MYO3B: variants seen among roughly 807,000 people sequenced by gnomAD.
The protein encoded by MYO3B is myosin IIIB, also known as myosin-IIIb.
Under a neutral mutation model 174.6 loss-of-function variants are expected in MYO3B, and 156 were observed. The observed-to-expected ratio is 0.89, with a 90% CI of 0.78 to 1.02. The LOEUF (loss-of-function observed/expected upper bound fraction) is 1.02. Ranked by LOEUF, MYO3B falls within the 50% of genes least tolerant of loss-of-function variation. MYO3B has a pLI of 0.00. For synonymous variants in MYO3B, 563 were observed against 569.1 expected, an observed-to-expected ratio of 0.99 and a Z score of 0.15; for missense variants, 1,632 against 1,639.4, an observed-to-expected ratio of 1.00 and a Z score of 0.08.
chr2:170,408,826 G>C (rs1205274210), intron 22 of MYO3B, among the ~76,000 whole-genome samples: 2 of 150,590 alleles, frequency 1.3e-5, no homozygotes, highest in South Asian at 2.1e-4. Context: ...GTTGAAATCC[G>C]GCTCTTTTTT....
chr2:170,354,829 G>T (rs2094107434), intron 8 of MYO3B, among the ~76,000 whole-genome samples: 1 of 151,976 alleles, frequency 6.6e-6, no homozygotes, highest in South Asian at 2.1e-4. Flanking sequence ...GGAGTTTTAA[G>T]GACTCCCCAG....
intron 7 of MYO3B, among the ~76,000 whole-genome samples, chr2:170,276,116 T>C (rs1373552017): frequency 6.6e-6 from 1 of 152,190 alleles, no homozygotes; most frequent in Non-Finnish European, 1.5e-5. Flanking sequence ...ATGGTCACTT[T>C]AGACAAATGA....
chr2:170,584,924 G>C (rs13419526), intron 32 of MYO3B, among the ~76,000 whole-genome samples: 4,052 of 152,302 alleles, frequency 0.027, 187 homozygotes, highest in African/African-American at 0.09. Flanking sequence ...GCTGAACTGA[G>C]AACCTTTCCA....
At chr2:170,528,470 A>G (rs558771709) in intron 30 of MYO3B, among the ~76,000 whole-genome samples, 2 of 152,274 alleles carry the variant, frequency 1.3e-5, no homozygotes, top group South Asian at 2.1e-4. Flanking sequence ...CAGTGGCGCA[A>G]TCTCAGCTCA....
chr2:170,398,806 C>T (rs2094456271), intron 16 of MYO3B, among the ~76,000 whole-genome samples: 1 of 152,180 alleles, frequency 6.6e-6, no homozygotes, highest in African/African-American at 2.4e-5. Flanking sequence ...TCCAAGCATA[C>T]TCGAGTCCTG....
chr2:170,562,428 G>A (rs746623001), intron 32 of MYO3B, among the ~76,000 whole-genome samples: 2 of 151,940 alleles, frequency 1.3e-5, no homozygotes, highest in Non-Finnish European at 2.9e-5. Flanking sequence ...GCTGAAATTT[G>A]GTAGAATTTA....
At chr2:170,213,487 T>A (rs1435202612) in intron 3 of MYO3B, among the ~76,000 whole-genome samples, 2 of 152,158 alleles carry the variant, frequency 1.3e-5, no homozygotes, top group Non-Finnish European at 2.9e-5. Context: ...TCCGGTTAGG[T>A]CAGGGGTCAA....
chr2:170,560,401 G>C (rs1256579359), intron 32 of MYO3B, among the ~76,000 whole-genome samples: 3 of 152,174 alleles, frequency 2.0e-5, no homozygotes, highest in Admixed American at 6.5e-5. Flanking sequence ...TCACCATCCA[G>C]AAAGGTCTGT....
chr2:170,453,876 T>C (rs540001677), intron 23 of MYO3B, among the ~76,000 whole-genome samples: 1 of 152,278 alleles, frequency 6.6e-6, no homozygotes, highest in African/African-American at 2.4e-5. Context: ...CCACTTAAGG[T>C]GAGGAGGGAT....
chr2:170,612,267 T>C (rs1466987273), intron 32 of MYO3B, among the ~76,000 whole-genome samples: 1 of 152,184 alleles, frequency 6.6e-6, no homozygotes, highest in Non-Finnish European at 1.5e-5. Context: ...CCATTCCTAG[T>C]GTGTGTCTGC....
At chr2:170,197,889 C>A (rs1274560265) in intron 1 of MYO3B, among the ~76,000 whole-genome samples, 1 of 152,092 alleles carries the variant, frequency 6.6e-6, no homozygotes, top group East Asian at 1.9e-4. Flanking sequence ...AGTATCATTT[C>A]TGATTAATCT....
At chr2:170,182,614 CTT>C (rs3066879) in intron 1 of MYO3B, among the ~76,000 whole-genome samples, 10 of 135,576 alleles carry the variant, frequency 7.4e-5, no homozygotes, top group Admixed American at 1.5e-4. Flanking sequence ...TTTTCTGTTT[CTT>C]TTTTTTTTTT....
intron 7 of MYO3B, among the ~76,000 whole-genome samples, chr2:170,254,544 C>G (rs935122477): frequency 6.6e-6 from 1 of 152,210 alleles, no homozygotes; most frequent in Non-Finnish European, 1.5e-5. Flanking sequence ...ACTGTCCTAC[C>G]TGCGTGTTTT....
intron 8 of MYO3B, chr2:170,349,809 A>C (rs182420067): frequency 0.014 from 2,101 of 152,096 alleles, 72 homozygotes; most frequent in Non-Finnish European, 0.017. Context: ...AAAAAAAAAA[A>C]AAAAGAAAGA....
At chr2:170,228,960 CAAAAAAA>C (rs539746576) in intron 6 of MYO3B, among the ~76,000 whole-genome samples, 1 of 98,324 alleles carries the variant, frequency 1.0e-5, no homozygotes, top group African/African-American at 3.4e-5. Context: ...ATTCCCTTTA[CAAAAAAA>C]AAAAAAAAAA....
At chr2:170,397,360 C>T (rs2094447438) in intron 16 of MYO3B, among the ~76,000 whole-genome samples, 2 of 152,150 alleles carry the variant, frequency 1.3e-5, no homozygotes, top group South Asian at 4.1e-4. Flanking sequence ...GGTCCAGTGA[C>T]CGTTCCTATT....
chr2:170,520,061 G>T (rs1688577507), intron 30 of MYO3B: 1 of 152,042 alleles, frequency 6.6e-6, no homozygotes, highest in South Asian at 2.1e-4. Flanking sequence ...CCTACTTTTT[G>T]GGTTCTCTTC....
At chr2:170,402,516 G>A (rs1279357263) in intron 18 of MYO3B, among the ~76,000 whole-genome samples, 1 of 151,966 alleles carries the variant, frequency 6.6e-6, no homozygotes, top group East Asian at 1.9e-4. Flanking sequence ...ATCCTTGTGG[G>A]TAGATAGGTG....
chr2:170,565,418 G>A lies in MYO3B; in HGVS notation c.3733+21430G>A, dbSNP rs16858756. 0.025 allele frequency among the ~76,000 whole-genome samples: 3,842 copies of A among 152,276 alleles called. 614 individuals are homozygous for A. The East Asian group carries it at 0.48, about 19-fold the overall frequency. On this transcript the variant is annotated intron_variant, in intron 32 of 34. Coordinates refer to ENST00000408978, the MANE Select transcript of MYO3B (RefSeq NM_138995.5). ...TCATGAGAATGGTGGTAGATGAACA[G>A]AGGAACAGGAAACTGCTCAACGTGG...
Sources: gnomAD v4.1 joint callset for allele counts (sites outside exome capture counted in the v4.1 genomes callset) on GRCh38, gnomAD v4.1.1 for gene constraint, MANE v1.5 for transcripts, NCBI Gene and HGNC (gene_info 2026-07-23, HGNC 2026-07-21) for gene names.